The following GCNT1 variants were observed in gnomAD, a reference collection of about 807,000 sequenced individuals.
The protein encoded by GCNT1 is glucosaminyl (N-acetyl) transferase 1.
In GCNT1, 16 loss-of-function variants were observed where a neutral mutation model predicts 26.2. The ratio of observed to expected loss-of-function variants is 0.61; its 90% CI spans 0.41 to 0.93. GCNT1 has a LOEUF of 0.93. GCNT1 is among the 40% of genes least tolerant of loss of function. The pLI, the probability that GCNT1 is intolerant of heterozygous loss-of-function variation, is 0.00. For missense variants in GCNT1, 477 were observed against 526.7 expected (o/e 0.91, Z 0.92); for synonymous variants, 183 against 190.8 (o/e 0.96, Z 0.34).
chr9:76,457,351 C>T (rs1823773831), upstream of GCNT1, among the ~76,000 whole-genome samples: 2 of 152,222 alleles, frequency 1.3e-5, no homozygotes, highest in South Asian at 2.1e-4. Flanking sequence ...CGGGTTCAAG[C>T]GATTCTCATG....
chr9:76,495,710 A>G (rs1280569737), intron 2 of GCNT1, among the ~76,000 whole-genome samples: 2 of 152,140 alleles, frequency 1.3e-5, no homozygotes, highest in South Asian at 2.1e-4. Flanking sequence ...TCACCTCTCA[A>G]TAAGGCCACT....
intron 3 of GCNT1, 27 bp downstream of exon 3, chr9:76,501,088 C>T (rs554661625): frequency 1.3e-5 from 2 of 152,126 alleles, no homozygotes; most frequent in Admixed American, 1.3e-4. Flanking sequence ...CTTTTCTTAA[C>T]ATTATTTTAT....
At chr9:76,420,008 G>GC (rs1293427628) in intron 1 of GCNT1, 1 of 152,290 alleles carries the variant, frequency 6.6e-6, no homozygotes, top group Admixed American at 6.5e-5. Context: ...AGAAACCTTA[G>GC]CATTACAGGC....
chr9:76,439,968 G>T (rs943509861), upstream of GCNT1, among the ~76,000 whole-genome samples: 3 of 152,024 alleles, frequency 2.0e-5, no homozygotes, highest in African/African-American at 7.2e-5. Flanking sequence ...GGGCTTGGTG[G>T]TGGGCACCTG....
the GCNT1 span, among the ~76,000 whole-genome samples, chr9:76,401,132 A>T: frequency 6.6e-6 from 1 of 152,262 alleles, no homozygotes. Context: ...TTATAACTGG[A>T]CTACAGTCCA....
At chr9:76,406,857 A>T in the GCNT1 span, among the ~76,000 whole-genome samples, 1 of 152,152 alleles carries the variant, frequency 6.6e-6, no homozygotes, top group East Asian at 1.9e-4. Flanking sequence ...CCTGACCAAC[A>T]TGGCAAAATC....
chr9:76,450,623 A>G (rs1823650056), intron 1 of GCNT1, among the ~76,000 whole-genome samples: 1 of 152,166 alleles, frequency 6.6e-6, no homozygotes, highest in Non-Finnish European at 1.5e-5. Flanking sequence ...AGTGATTTGT[A>G]GTTTTAATTT....
upstream of GCNT1, among the ~76,000 whole-genome samples, chr9:76,455,249 A>G (rs188529649): frequency 1.1e-4 from 16 of 152,222 alleles, no homozygotes; most frequent in East Asian, 2.7e-3. Flanking sequence ...CCAAATTCCA[A>G]TGCTGGTTTA....
chr9:76,487,287 CGAGA>C (rs1316927372), intron 2 of GCNT1, among the ~76,000 whole-genome samples: 1 of 152,182 alleles, frequency 6.6e-6, no homozygotes, highest in Non-Finnish European at 1.5e-5. Context: ...CACAGTCCTC[CGAGA>C]TACTGGCATG....
intron 2 of GCNT1, among the ~76,000 whole-genome samples, chr9:76,494,934 T>C (rs1824861278): frequency 6.6e-6 from 1 of 152,178 alleles, no homozygotes; most frequent in Admixed American, 6.5e-5. Flanking sequence ...AAGCGGAAGC[T>C]GTTTTCAGGC....
At chr9:76,460,937 G>A (rs1823858879) in intron 2 of GCNT1, among the ~76,000 whole-genome samples, 1 of 152,138 alleles carries the variant, frequency 6.6e-6, no homozygotes, top group South Asian at 2.1e-4. Context: ...ATTAATGATA[G>A]CAATGCTTCC....
chr9:76,469,106 G>A (rs1447881700), intron 2 of GCNT1, among the ~76,000 whole-genome samples: 4 of 147,318 alleles, frequency 2.7e-5, no homozygotes, highest in African/African-American at 9.7e-5. Context: ...TTGGTGGATA[G>A]AGGAAACTAA....
chr9:76,435,877 A>G (rs532074153), intron 1 of GCNT1, among the ~76,000 whole-genome samples: 95 of 151,862 alleles, frequency 6.3e-4, no homozygotes, highest in African/African-American at 2.0e-3. Flanking sequence ...AGGGTCTTAA[A>G]TTTATTGGTA....
chr9:76,501,113 G>GTTATTCATTTTTATTTGTA (rs1232857535), intron 3 of GCNT1, 52 bp downstream of exon 3: 3 of 152,068 alleles, frequency 2.0e-5, no homozygotes, highest in Non-Finnish European at 4.4e-5. Flanking sequence ...ATGATGGTCA[G>GTTATTCATTTTTATTTGTA]TTATTCATTT....
the GCNT1 span, chr9:76,394,335 C>G: frequency 1.7e-6 from 1 of 580,500 alleles, no homozygotes. Context: ...CAGGCCACTG[C>G]GAATCCCTGA....
At chr9:76,472,079 C>T (rs1288879547) in intron 2 of GCNT1, among the ~76,000 whole-genome samples, 2 of 152,106 alleles carry the variant, frequency 1.3e-5, no homozygotes, top group East Asian at 3.9e-4. Flanking sequence ...AGTTCGAGAC[C>T]AGCCTGGCCA....
At chr9:76,479,042 GTCC>G (rs1279543234) in intron 2 of GCNT1, among the ~76,000 whole-genome samples, 6 of 150,656 alleles carry the variant, frequency 4.0e-5, no homozygotes, top group Non-Finnish European at 8.9e-5. Context: ...GGTGTGTGAT[GTCC>G]CCCTTCCTGT....
chr9:76,490,019 C>A (rs1336671171), intron 2 of GCNT1, among the ~76,000 whole-genome samples: 2 of 152,194 alleles, frequency 1.3e-5, no homozygotes, highest in East Asian at 3.9e-4. Context: ...GTTAAAAATA[C>A]AGGGCCCGAA....
chr9:76,484,005 T>C (rs567895327), intron 2 of GCNT1, among the ~76,000 whole-genome samples: 1 of 152,274 alleles, frequency 6.6e-6, no homozygotes, highest in Non-Finnish European at 1.5e-5. Context: ...TTCAGCACTG[T>C]TTATACTTTA....
Sources: gnomAD v4.1 joint callset for allele counts (sites outside exome capture counted in the v4.1 genomes callset) on GRCh38, gnomAD v4.1.1 for gene constraint, MANE v1.5 for transcripts, NCBI Gene and HGNC (gene_info 2026-07-23, HGNC 2026-07-21) for gene names.